Variants in PAX7 observed in about 807,000 individuals in gnomAD.
PAX7 encodes paired box 7.
Under a neutral mutation model 50.7 loss-of-function variants are expected in PAX7, and 18 were observed. The ratio of observed to expected loss-of-function variants is 0.36; its 90% CI spans 0.25 to 0.53. The LOEUF is 0.53. Ranked by LOEUF, PAX7 falls within the 20% of genes least tolerant of loss-of-function variation. The pLI is 0.93. For missense variants in PAX7, 644 were observed against 702.9 expected, an observed-to-expected ratio of 0.92 and a Z score of 0.95; for synonymous variants, 310 against 290.4, an observed-to-expected ratio of 1.07 and a Z score of -0.69.
intron 4 of PAX7, among the ~76,000 whole-genome samples, chr1:18,639,007 T>G (rs541908999): frequency 8.9e-4 from 135 of 152,298 alleles, no homozygotes; most frequent in South Asian, 8.3e-4. Flanking sequence ...AAAAATGCTT[T>G]CTCTGGGGGA....
intron 8 of PAX7, among the ~76,000 whole-genome samples, chr1:18,740,412 G>A (rs1266565928): frequency 6.6e-6 from 1 of 152,188 alleles, no homozygotes; most frequent in East Asian, 1.9e-4. Context: ...GCACAAGCAG[G>A]ACCAATGCAG....
At chr1:18,737,689 A>G (rs1048483238) in intron 8 of PAX7, among the ~76,000 whole-genome samples, 1 of 152,284 alleles carries the variant, frequency 6.6e-6, no homozygotes, top group African/African-American at 2.4e-5. Flanking sequence ...TATTGTGCAT[A>G]CATGATGTGC....
In PAX7 at chr1:18,634,545, G is replaced by A; in HGVS notation, c.321+7G>A. ...CGGCGGCAGCAAGCCCAGAGTGAGT[G>A]TCTTTGCCACAGAGGCTGGCAGCTG... On this transcript the variant is annotated splice_region_variant and intron_variant, in intron 2 of 8. Transcript: ENST00000420770. The surrounding 1 kb of genome is among the most constrained non-coding windows in gnomAD (Gnocchi z 4.0). 1.2e-6 allele frequency: 2 copies of A among 1,612,224 alleles called. No homozygotes were observed. Among genetic ancestry groups the A allele is most frequent in the Non-Finnish European group, 1.7e-6 (2 of 1,178,758 alleles).
chr1:18,639,185 A>G (rs1470339187), intron 4 of PAX7, among the ~76,000 whole-genome samples: 1 of 152,198 alleles, frequency 6.6e-6, no homozygotes, highest in Non-Finnish European at 1.5e-5. Context: ...ACTGCTGAAT[A>G]GGAAACTGTG....
rs2089693033 is a variant in PAX7, at chr1:18,735,051, G to A, written c.1156-581G>A. Among the ~76,000 whole-genome samples the A allele has an allele frequency of 6.6e-6, 1 of 152,210 alleles. No homozygotes were observed. The highest frequency in any genetic ancestry group is 1.5e-5 in the Non-Finnish European group (1 of 68,032). On this transcript the variant is annotated intron_variant, in intron 7 of 8. Coordinates refer to ENST00000420770, the MANE Select transcript of PAX7 (RefSeq NM_001135254.2). This position sits in a 1 kb window ranked among gnomAD's most constrained non-coding sequence, Gnocchi z 4.0. ...CTGGTAGAATCAAAGGAAGGGGCCTGAGAGGCTCTTTGAAAGCATTGGCTG... is the reference window on the plus strand; with the variant it reads ...CTGGTAGAATCAAAGGAAGGGGCCTAAGAGGCTCTTTGAAAGCATTGGCTG...
In PAX7 at chr1:18,735,328, G is replaced by A. The variant is rs2089696457; in HGVS notation, c.1156-304G>A. The stretch of plus-strand genomic sequence containing the variant: ...CATGCATTTATTCATTCAATAGACA[G>A]GCCCAGAGTGACCCTTAGGGCCAGA... On this transcript the variant is annotated intron_variant, in intron 7 of 8. Transcript: ENST00000420770. This position sits in a 1 kb window ranked among gnomAD's most constrained non-coding sequence, Gnocchi z 4.0. 6.6e-6 allele frequency among the ~76,000 whole-genome samples: 1 copy of A among 152,126 alleles called. No individual in the cohort carries two copies. Among genetic ancestry groups the A allele is most frequent in the Non-Finnish European group, 1.5e-5 (1 of 68,008 alleles).
intron 7 of PAX7, among the ~76,000 whole-genome samples, chr1:18,709,622 C>A (rs906627294): frequency 1.2e-4 from 19 of 152,204 alleles, no homozygotes; most frequent in African/African-American, 4.6e-4. Flanking sequence ...TGACTCTTGG[C>A]TGTTATCTTG....
At chr1:18,655,938 C>T (rs940924800) in intron 4 of PAX7, among the ~76,000 whole-genome samples, 4 of 152,010 alleles carry the variant, frequency 2.6e-5, no homozygotes, top group African/African-American at 9.7e-5. Flanking sequence ...TCATCAAAGG[C>T]GGAACAGCTT....
intron 4 of PAX7, among the ~76,000 whole-genome samples, chr1:18,667,824 G>A (rs1265153030): frequency 1.3e-5 from 2 of 152,050 alleles, no homozygotes. Context: ...GTTGATGAAG[G>A]TCCAATCTTT....
intron 8 of PAX7, among the ~76,000 whole-genome samples, chr1:18,741,749 C>T (rs1931146257): frequency 2.0e-5 from 3 of 152,354 alleles, no homozygotes; most frequent in African/African-American, 7.2e-5. Flanking sequence ...GCGGTGTGCC[C>T]TTGGACAGAT....
At chr1:18,706,420 A>C (rs2089283511) in intron 7 of PAX7, among the ~76,000 whole-genome samples, 1 of 150,402 alleles carries the variant, frequency 6.6e-6, no homozygotes, top group South Asian at 2.1e-4. Flanking sequence ...GGACCTCAAA[A>C]CTGGAAGGAA....
At chr1:18,688,125 AT>A (rs1159154604) in intron 4 of PAX7, among the ~76,000 whole-genome samples, 1 of 152,198 alleles carries the variant, frequency 6.6e-6, no homozygotes, top group African/African-American at 2.4e-5. Context: ...TTGTCCTATT[AT>A]TTCCTTAATA....
chr1:18,716,676 C>G (rs1166915999), intron 7 of PAX7, among the ~76,000 whole-genome samples: 1 of 151,790 alleles, frequency 6.6e-6, no homozygotes, highest in Non-Finnish European at 1.5e-5. Flanking sequence ...GTCCTCTCTC[C>G]ACCCACTCCA....
At chr1:18,681,050 C>G (rs11800722) in intron 4 of PAX7, among the ~76,000 whole-genome samples, 2 of 151,110 alleles carry the variant, frequency 1.3e-5, no homozygotes, top group South Asian at 4.2e-4. Context: ...GCCTGTAATC[C>G]CAGCTACTCG....
At chr1:18,705,020 C>T (rs578156516) in intron 7 of PAX7, among the ~76,000 whole-genome samples, 36 of 152,268 alleles carry the variant, frequency 2.4e-4, no homozygotes, top group African/African-American at 7.0e-4. Flanking sequence ...CAGCTGCCTG[C>T]GGAGCTCCTA....
At chr1:18,693,050 A>G (rs575130465) in intron 5 of PAX7, among the ~76,000 whole-genome samples, 2 of 152,116 alleles carry the variant, frequency 1.3e-5, no homozygotes, top group Non-Finnish European at 2.9e-5. Context: ...AGGGTTGGGG[A>G]TGGAGGAGGA....
chr1:18,703,168 GCTGCAGCCGCCGACACCAGCT>G lies in PAX7; in HGVS notation c.1032_1052del (p.Ala345_Ala351del). On this transcript the variant is annotated inframe_deletion, in exon 7 of 9. Coordinates refer to ENST00000420770, the MANE Select transcript of PAX7 (RefSeq NM_001135254.2). ...GCACCAGGGCGGGCTGGCTGCAGCG[GCTGCAGCCGCCGACACCAGCT>G]CTGCCTACGGAGCCCGCCACAGCTT... 1 of 1,611,800 alleles carries G rather than the reference GCTGCAGCCGCCGACACCAGCT, an allele frequency of 6.2e-7. No individual in the cohort carries two copies. Among genetic ancestry groups the G allele is most frequent in the Non-Finnish European group, 8.5e-7 (1 of 1,179,586 alleles).
intron 4 of PAX7, among the ~76,000 whole-genome samples, chr1:18,651,838 G>A (rs1438044835): frequency 3.6e-4 from 5 of 13,860 alleles, no homozygotes; most frequent in East Asian, 3.1e-3. Flanking sequence ...CCACCCCACC[G>A]CCTCTTCATG....
intron 4 of PAX7, among the ~76,000 whole-genome samples, chr1:18,678,968 C>T (rs2088861005): frequency 6.6e-6 from 1 of 152,186 alleles, no homozygotes; most frequent in Non-Finnish European, 1.5e-5. Context: ...TTACTTAACC[C>T]CTTTGAGCCT....
Sources: allele counts gnomAD v4.1 joint callset (sites outside exome capture counted in the v4.1 genomes callset), GRCh38; gene constraint gnomAD v4.1.1; non-coding constraint Gnocchi (gnomAD v3.1); transcripts MANE v1.5; gene names NCBI Gene and HGNC (gene_info 2026-07-23, HGNC 2026-07-21).